Variants in LRRC37A2 observed in about 807,000 individuals in gnomAD.
LRRC37A2 encodes the protein leucine-rich repeat-containing protein 37A2.
In LRRC37A2, 9 loss-of-function variants were observed where a neutral mutation model predicts 68.8. That is an observed-to-expected ratio of 0.13 (90% CI 0.08 to 0.23). LRRC37A2 has a LOEUF of 0.23. Among genes scored for constraint, LRRC37A2 ranks in the 10% least tolerant of loss-of-function variants. LRRC37A2 has a pLI of 1.00. For missense variants in LRRC37A2, 168 were observed against 950.4 expected (o/e 0.18, Z 10.82); for synonymous variants, 63 against 367.6 (o/e 0.17, Z 9.48).
chr17:46,768,918 A>T, the LRRC37A2 span: 3 of 1,455,546 alleles, frequency 2.1e-6, no homozygotes, highest in South Asian at 2.6e-5. The surrounding 1 kb of genome is among the most constrained non-coding windows in gnomAD (Gnocchi z 5.0). Flanking sequence ...CCTCTGTGAC[A>T]GGAAGAGAAC....
the LRRC37A2 span, chr17:46,755,187 G>C: frequency 1.4e-6 from 1 of 693,896 alleles, no homozygotes; most frequent in South Asian, 1.7e-5. Context: ...CAAGGAGCAG[G>C]TAACACATTC....
the LRRC37A2 span, among the ~76,000 whole-genome samples, chr17:46,878,043 G>A: frequency 6.6e-6 from 1 of 152,220 alleles, no homozygotes; most frequent in African/African-American, 2.4e-5. Flanking sequence ...GGCACACATG[G>A]ATGCACAGCC....
chr17:46,790,621 C>G, the LRRC37A2 span, among the ~76,000 whole-genome samples: 1 of 152,138 alleles, frequency 6.6e-6, no homozygotes, highest in Non-Finnish European at 1.5e-5. Context: ...AGGATCAACC[C>G]GTCCCCTGTT....
Position 46,525,496 on chromosome 17 carries a change from A to G in LRRC37A2, c.2906+1612A>G, listed in dbSNP as rs1363859146. 4.5e-5 allele frequency among the ~76,000 whole-genome samples: 5 copies of G among 111,760 alleles called. 1 individual carries two copies. Among genetic ancestry groups the G allele is most frequent in the African/African-American group, 1.6e-4 (5 of 31,230 alleles). The allele number at this position is 111,760 out of a possible 152,430, so 73.3% of individuals were successfully genotyped here. ...TAGGTACTCAGGAGGCTGAGGCAGGAGAATCACTTGAAACCAGGAGGCGGA... is the reference window on the plus strand; with the variant it reads ...TAGGTACTCAGGAGGCTGAGGCAGGGGAATCACTTGAAACCAGGAGGCGGA... On this transcript the variant is annotated intron_variant, in intron 6 of 14. Coordinates refer to ENST00000576629, the Ensembl canonical transcript of LRRC37A2.
In LRRC37A2 at chr17:46,551,146, T is replaced by C. The variant is rs2056767091; in HGVS notation, c.4809+627T>C. ...CCTCTGTGAGATGTGTCACCATTTC[T>C]TGGACACCATGTGAGACATTCCCCC... On this transcript the variant is annotated intron_variant, in intron 11 of 14. Coordinates refer to ENST00000576629, the Ensembl canonical transcript of LRRC37A2. Among the ~76,000 whole-genome samples, 2 of 149,724 alleles carry C rather than the reference T, an allele frequency of 1.3e-5. 1 individual carries two copies. The highest frequency in any genetic ancestry group is 5.1e-5 in the African/African-American group (2 of 39,096).
chr17:46,722,881 G>A, the LRRC37A2 span, among the ~76,000 whole-genome samples: 4 of 152,122 alleles, frequency 2.6e-5, no homozygotes, highest in Admixed American at 6.5e-5. Flanking sequence ...CGTCATGGTC[G>A]GTGTGTTAAT....
At chr17:46,777,432 A>C in the LRRC37A2 span, among the ~76,000 whole-genome samples, 2,211 of 152,286 alleles carry the variant, frequency 0.015, 53 homozygotes, top group African/African-American at 0.051. Context: ...GGGTCTTCGC[A>C]GCCCAGCAGA....
At chr17:46,875,241 T>C in the LRRC37A2 span, 12 of 1,614,172 alleles carry the variant, frequency 7.4e-6, no homozygotes, top group South Asian at 1.3e-4. Flanking sequence ...GGCCTGGCAG[T>C]GGGGCGTGTG....
the LRRC37A2 span, among the ~76,000 whole-genome samples, chr17:46,973,645 A>G: frequency 6.6e-6 from 1 of 152,102 alleles, no homozygotes; most frequent in African/African-American, 2.4e-5. Context: ...AGAGGCTGGG[A>G]CACCTGCCCC....
chr17:47,006,991 G>A, the LRRC37A2 span, among the ~76,000 whole-genome samples: 1 of 152,280 alleles, frequency 6.6e-6, no homozygotes, highest in Admixed American at 6.5e-5. Context: ...TCCTATTCAT[G>A]GTTCCAGAGG....
chr17:46,752,246 A>G, the LRRC37A2 span, among the ~76,000 whole-genome samples: 9 of 152,144 alleles, frequency 5.9e-5, no homozygotes, highest in Admixed American at 2.0e-4. Context: ...GGACTTTCTC[A>G]TATCTCCTGG....
the LRRC37A2 span, chr17:46,710,990 G>A: frequency 5.6e-6 from 9 of 1,594,512 alleles, no homozygotes; most frequent in Admixed American, 1.5e-4. Flanking sequence ...AGAAGATTAT[G>A]CAAGTTACAT....
At chr17:46,595,595 G>A in the LRRC37A2 span, among the ~76,000 whole-genome samples, 5 of 130,896 alleles carry the variant, frequency 3.8e-5, no homozygotes, top group Non-Finnish European at 1.5e-5. Flanking sequence ...GGGTTCAAGC[G>A]ATTCTCCCGC....
At chr17:46,901,803 ATT>A in the LRRC37A2 span, among the ~76,000 whole-genome samples, 54 of 128,120 alleles carry the variant, frequency 4.2e-4, no homozygotes, top group Admixed American at 9.3e-4. Flanking sequence ...TGGAGCAAGA[ATT>A]TTTTTTTTTT....
the LRRC37A2 span, among the ~76,000 whole-genome samples, chr17:46,954,153 G>T: frequency 6.6e-6 from 1 of 152,174 alleles, no homozygotes; most frequent in Non-Finnish European, 1.5e-5. Flanking sequence ...TTCTTCTAGG[G>T]TTTTTATGGT....
chr17:46,913,313 T>C, the LRRC37A2 span, among the ~76,000 whole-genome samples: 3 of 152,212 alleles, frequency 2.0e-5, no homozygotes, highest in Admixed American at 2.0e-4. Flanking sequence ...CTGAGCTGGA[T>C]ACCAGGAAAT....
the LRRC37A2 span, among the ~76,000 whole-genome samples, chr17:46,786,287 A>C: frequency 6.6e-6 from 1 of 151,974 alleles, no homozygotes; most frequent in South Asian, 2.1e-4. Context: ...GAAGCGGGGG[A>C]TGGAGGGGTC....
intron 8 of LRRC37A2, among the ~76,000 whole-genome samples, chr17:46,541,657 G>A (rs2055344908): frequency 1.3e-5 from 2 of 150,818 alleles, no homozygotes; most frequent in Admixed American, 1.3e-4. Context: ...TAGATTCAAC[G>A]AACCATGGAT....
At chr17:46,488,721 T>G in the LRRC37A2 span, among the ~76,000 whole-genome samples, 1 of 145,018 alleles carries the variant, frequency 6.9e-6, no homozygotes, top group African/African-American at 2.6e-5. Flanking sequence ...AAAAAAAATG[T>G]AACGCACTTG....
Sources: gnomAD v4.1 joint callset for allele counts (sites outside exome capture counted in the v4.1 genomes callset) on GRCh38, gnomAD v4.1.1 for gene constraint, Gnocchi (gnomAD v3.1) non-coding constraint, MANE v1.5 for transcripts, NCBI Gene and HGNC (gene_info 2026-07-23, HGNC 2026-07-21) for gene names.